AK5: variants seen among roughly 807,000 people sequenced by gnomAD.
AK5 encodes adenylate kinase 5.
Under a neutral mutation model 69.5 loss-of-function variants are expected in AK5, and 27 were observed. The ratio of observed to expected loss-of-function variants is 0.39; its 90% CI spans 0.29 to 0.54. The LOEUF (loss-of-function observed/expected upper bound fraction) is 0.54. Ranked by LOEUF, AK5 falls within the 20% of genes least tolerant of loss-of-function variation. The probability of loss-of-function intolerance (pLI) is 0.71; values close to 1 mark genes in which losing one functional copy is unlikely to be tolerated. For missense variants in AK5, 531 were observed against 700.4 expected (o/e 0.76, Z 2.73); for synonymous variants, 260 against 244.4 (o/e 1.06, Z -0.60).
chr1:77,333,498 C>G (rs780480116), intron 5 of AK5, among the ~76,000 whole-genome samples: 2 of 151,714 alleles, frequency 1.3e-5, no homozygotes, highest in African/African-American at 2.4e-5. Context: ...TGTTTCTTTC[C>G]TCCTTTCTTA....
chr1:77,391,659 A>G (rs1394926040), intron 6 of AK5, among the ~76,000 whole-genome samples: 1 of 151,712 alleles, frequency 6.6e-6, no homozygotes, highest in Non-Finnish European at 1.5e-5. Flanking sequence ...ATAAATCATA[A>G]TAATAACCAG....
chr1:77,373,749 A>AAAC (rs1160778291), intron 6 of AK5, among the ~76,000 whole-genome samples: 1 of 152,054 alleles, frequency 6.6e-6, no homozygotes, highest in East Asian at 1.9e-4. Flanking sequence ...AAAAAACAAA[A>AAAC]AACATATGAT....
chr1:77,393,351 G>A (rs1648611347), intron 6 of AK5, among the ~76,000 whole-genome samples: 1 of 152,136 alleles, frequency 6.6e-6, no homozygotes, highest in Admixed American at 6.5e-5. Flanking sequence ...TCTCCTTTAA[G>A]TTAGTGTCTG....
chr1:77,367,578 T>TATATATATATATATATAA (rs1646983061), intron 6 of AK5, among the ~76,000 whole-genome samples: 1 of 10,376 alleles, frequency 9.6e-5, no homozygotes, highest in East Asian at 1.2e-3. Flanking sequence ...TATATATATA[T>TATATATATATATATATAA]AATATATATG....
At chr1:77,434,531 G>C (rs1315340503) in intron 8 of AK5, among the ~76,000 whole-genome samples, 1 of 152,074 alleles carries the variant, frequency 6.6e-6, no homozygotes, top group African/African-American at 2.4e-5. Context: ...GAAAACACTT[G>C]ATCAAAATTA....
chr1:77,358,753 C>A, intron 6 of AK5, among the ~76,000 whole-genome samples: 1 of 148,774 alleles, frequency 6.7e-6, no homozygotes, highest in African/African-American at 2.5e-5. Context: ...TTACCTCAGA[C>A]AAAATTATAA....
At chr1:77,300,437 C>T (rs923719246) in intron 5 of AK5, among the ~76,000 whole-genome samples, 1 of 152,304 alleles carries the variant, frequency 6.6e-6, no homozygotes, top group African/African-American at 2.4e-5. Context: ...AGGTCAATGT[C>T]ATCTTTGCTC....
At chr1:77,335,913 G>T (rs943520514) in intron 5 of AK5, among the ~76,000 whole-genome samples, 6 of 152,128 alleles carry the variant, frequency 3.9e-5, no homozygotes, top group Admixed American at 2.0e-4. Context: ...CCTGCTTCCT[G>T]GTTCATAGCG....
At position 77,359,415 on chromosome 1, in the gene AK5, G is replaced by A. The variant is rs1212596442; in HGVS notation, c.891+18847G>A. Among the ~76,000 whole-genome samples, 4 of 152,094 alleles carry A rather than the reference G, an allele frequency of 2.6e-5. No homozygotes were observed. The East Asian group carries it at 7.7e-4, about 29-fold the overall frequency. On this transcript the variant is annotated intron_variant, in intron 6 of 13. Transcript: ENST00000354567. ...ATCCATATGTAGCATGTTAATGCCT[G>A]GAAGTTAAAATGGTTTTTATATTTT...
chr1:77,350,326 T>A (rs188791560), intron 6 of AK5, among the ~76,000 whole-genome samples: 1 of 151,782 alleles, frequency 6.6e-6, no homozygotes, highest in African/African-American at 2.4e-5. Flanking sequence ...AACCCAGAAA[T>A]AGGAAAGAAG....
At chr1:77,433,259 T>C (rs902682207) in intron 8 of AK5, among the ~76,000 whole-genome samples, 3 of 83,688 alleles carry the variant, frequency 3.6e-5, no homozygotes, top group Admixed American at 3.2e-4. Context: ...ATTATAGTTT[T>C]TTTCTTTAGA....
At chr1:77,416,300 A>G (rs2100579933) in intron 7 of AK5, among the ~76,000 whole-genome samples, 1 of 152,180 alleles carries the variant, frequency 6.6e-6, no homozygotes, top group East Asian at 1.9e-4. Flanking sequence ...AGTCTTGCCA[A>G]CTCCATTCTA....
rs756111639 is a variant in AK5, at chr1:77,556,560, A to T, written c.1621-2042A>T. 1.1e-4 allele frequency among the ~76,000 whole-genome samples: 16 copies of T among 152,278 alleles called. No individual in the cohort carries two copies. In the South Asian group the frequency reaches 1.2e-3, roughly 12 times the overall value. ...GCTAATGGACATACAGGATTTTTCC[A>T]GTTGGGGAACGACAAACAGTGCTTC... On this transcript the variant is annotated intron_variant, in intron 13 of 13. Transcript: ENST00000354567.
intron 8 of AK5, among the ~76,000 whole-genome samples, chr1:77,475,371 ATATATATTATATATATG>A (rs1654810854): frequency 9.3e-6 from 1 of 106,992 alleles, no homozygotes; most frequent in African/African-American, 4.3e-5. Flanking sequence ...ATATATACAA[ATATATATTATATATATG>A]TATATATATA....
At chr1:77,446,983 G>A (rs1255591982) in intron 8 of AK5, among the ~76,000 whole-genome samples, 1 of 152,200 alleles carries the variant, frequency 6.6e-6, no homozygotes, top group African/African-American at 2.4e-5. Flanking sequence ...TTTGCCTCCC[G>A]GCTCTGCAGG....
chr1:77,289,787 C>T (rs963439486), intron 2 of AK5, among the ~76,000 whole-genome samples: 5 of 139,364 alleles, frequency 3.6e-5, no homozygotes, highest in Non-Finnish European at 7.5e-5. Flanking sequence ...GGGGTGAACC[C>T]GGGAGGCGGA....
At chr1:77,484,447 G>C (rs1387827011) in intron 9 of AK5, among the ~76,000 whole-genome samples, 2 of 152,182 alleles carry the variant, frequency 1.3e-5, no homozygotes, top group Non-Finnish European at 2.9e-5. Context: ...AGCACAAGGT[G>C]GTGGGTAAAG....
At chr1:77,425,376 A>T (rs553349904) in intron 8 of AK5, among the ~76,000 whole-genome samples, 23 of 152,302 alleles carry the variant, frequency 1.5e-4, no homozygotes, top group Admixed American at 4.6e-4. Context: ...GCTTGAGGTC[A>T]GGAGTTTGAG....
intron 6 of AK5, among the ~76,000 whole-genome samples, chr1:77,361,700 A>G (rs894655042): frequency 2.0e-5 from 3 of 152,208 alleles, no homozygotes; most frequent in Non-Finnish European, 2.9e-5. Flanking sequence ...CAGAAGGCAA[A>G]GAGGAGCAAG....
Sources: gnomAD v4.1 joint callset for allele counts (sites outside exome capture counted in the v4.1 genomes callset) on GRCh38, gnomAD v4.1.1 for gene constraint, MANE v1.5 for transcripts, NCBI Gene and HGNC (gene_info 2026-07-23, HGNC 2026-07-21) for gene names.